GPHN: variants seen among roughly 807,000 people sequenced by gnomAD.
The protein encoded by GPHN is gephyrin.
In GPHN, 17 loss-of-function variants were observed where a neutral mutation model predicts 95.5. That is an observed-to-expected ratio of 0.18 (90% CI 0.12 to 0.27). The LOEUF is 0.27. Ranked by LOEUF, GPHN falls within the 10% of genes least tolerant of loss-of-function variation. The pLI is 1.00. For missense variants in GPHN, 660 were observed against 978.1 expected (o/e 0.67, Z 4.34); for synonymous variants, 320 against 322.5 (o/e 0.99, Z 0.08).
intron 6 of GPHN, among the ~76,000 whole-genome samples, chr14:66,918,797 G>A (rs1051318310): frequency 3.9e-5 from 6 of 151,982 alleles, no homozygotes; most frequent in South Asian, 4.1e-4. Flanking sequence ...ACCTCTCCTC[G>A]GTCAAGGTTA....
intron 2 of GPHN, among the ~76,000 whole-genome samples, chr14:66,682,649 C>G (rs2067010703): frequency 1.3e-5 from 2 of 152,066 alleles, no homozygotes; most frequent in African/African-American, 2.4e-5. Context: ...ACTTGGGAGG[C>G]TGAGGCAGGA....
chr14:66,543,047 G>A (rs865987124), intron 1 of GPHN, among the ~76,000 whole-genome samples: 2 of 152,082 alleles, frequency 1.3e-5, no homozygotes, highest in Non-Finnish European at 2.9e-5. Flanking sequence ...GAGAGAGAGT[G>A]GGGGGAGATG....
At chr14:67,649,816 T>A in the GPHN span, 2 of 152,230 alleles carry the variant, frequency 1.3e-5, no homozygotes, top group Admixed American at 1.3e-4. Context: ...ACCCTAAATA[T>A]TCTTAGATAC....
At chr14:67,674,306 G>A in the GPHN span, 5 of 1,394,984 alleles carry the variant, frequency 3.6e-6, no homozygotes, top group Non-Finnish European at 2.9e-6. Flanking sequence ...CTGGGAGGAA[G>A]GTGGGAGAAT....
At chr14:67,350,173 T>A in the GPHN span, among the ~76,000 whole-genome samples, 1 of 152,154 alleles carries the variant, frequency 6.6e-6, no homozygotes, top group Non-Finnish European at 1.5e-5. Flanking sequence ...TTTTAAATAA[T>A]CCAATTCTCA....
chr14:67,691,347 C>T, the GPHN span: 1 of 713,830 alleles, frequency 1.4e-6, no homozygotes. Context: ...TGCAGGACTT[C>T]AATCTTCCCT....
the GPHN span, among the ~76,000 whole-genome samples, chr14:67,645,434 A>T: frequency 6.6e-6 from 1 of 152,196 alleles, no homozygotes; most frequent in Non-Finnish European, 1.5e-5. Context: ...CAGGGTAGCA[A>T]GTCACCAGCT....
At chr14:67,372,036 G>T in the GPHN span, among the ~76,000 whole-genome samples, 6 of 152,088 alleles carry the variant, frequency 3.9e-5, no homozygotes, top group South Asian at 2.1e-4. Context: ...AGGCCTAGGT[G>T]GGGGGATCAC....
At chr14:66,715,567 A>G (rs1490843350) in intron 2 of GPHN, among the ~76,000 whole-genome samples, 1 of 152,012 alleles carries the variant, frequency 6.6e-6, no homozygotes, top group Non-Finnish European at 1.5e-5. Flanking sequence ...GAGGTGTGAC[A>G]TGAGATTGTC....
the GPHN span, among the ~76,000 whole-genome samples, chr14:67,526,421 G>A: frequency 6.6e-6 from 1 of 152,250 alleles, no homozygotes; most frequent in Non-Finnish European, 1.5e-5. Flanking sequence ...GCTGCTTTTG[G>A]TCTTGTGCTT....
At chr14:67,500,909 A>G in the GPHN span, among the ~76,000 whole-genome samples, 45 of 152,124 alleles carry the variant, frequency 3.0e-4, no homozygotes, top group Non-Finnish European at 4.9e-4. Context: ...CAGTCAAAGC[A>G]GCTATAAGAA....
chr14:67,569,132 T>C, the GPHN span: 1 of 1,607,320 alleles, frequency 6.2e-7, no homozygotes, highest in Non-Finnish European at 8.5e-7. Flanking sequence ...AGACCTCTTG[T>C]TTCAGGAGAG....
intron 2 of GPHN, 89 bp from the exon 3 acceptor site, chr14:66,776,374 TG>T (rs1453232727): frequency 4.1e-5 from 34 of 820,148 alleles, no homozygotes; most frequent in Non-Finnish European, 6.6e-6. Flanking sequence ...TGGGAGTTAT[TG>T]GTAGCATTCT....
the GPHN span, among the ~76,000 whole-genome samples, chr14:67,445,741 C>T: frequency 1.3e-5 from 2 of 151,724 alleles, no homozygotes; most frequent in Non-Finnish European, 2.9e-5. Flanking sequence ...AGTGCCACTA[C>T]ACCTGGCTAA....
chr14:67,121,621 C>T (rs567876530), intron 16 of GPHN, among the ~76,000 whole-genome samples: 73 of 152,182 alleles, frequency 4.8e-4, no homozygotes, highest in African/African-American at 1.4e-3. Context: ...GAATAAGCTT[C>T]GTTAATTTTC....
At chr14:67,389,064 G>A in the GPHN span, among the ~76,000 whole-genome samples, 56 of 151,768 alleles carry the variant, frequency 3.7e-4, no homozygotes, top group South Asian at 4.2e-3. Context: ...AAGAAACTTC[G>A]TGTGATACAA....
chr14:66,540,350 A>G (rs1418032934), intron 1 of GPHN, among the ~76,000 whole-genome samples: 1 of 152,236 alleles, frequency 6.6e-6, no homozygotes, highest in Non-Finnish European at 1.5e-5. Flanking sequence ...TCAGTGGAGC[A>G]GGGATGTTAC....
chr14:66,895,612 T>A (rs2153543610), intron 5 of GPHN, among the ~76,000 whole-genome samples: 1 of 152,276 alleles, frequency 6.6e-6, no homozygotes, highest in South Asian at 2.1e-4. Flanking sequence ...AGAATAATAC[T>A]TTCAATGTGC....
chr14:67,552,479 A>G, the GPHN span, among the ~76,000 whole-genome samples: 1,401 of 152,316 alleles, frequency 9.2e-3, 27 homozygotes, highest in African/African-American at 0.032. Context: ...GGTGGATAAG[A>G]AGGACTGGCT....
Sources: allele counts gnomAD v4.1 joint callset (sites outside exome capture counted in the v4.1 genomes callset), GRCh38; gene constraint gnomAD v4.1.1; transcripts MANE v1.5; gene names NCBI Gene and HGNC (gene_info 2026-07-23, HGNC 2026-07-21).